Variants in FBXL4 observed in about 807,000 individuals in gnomAD.
The protein encoded by FBXL4 is F-box/LRR-repeat protein 4.
In FBXL4, 40 loss-of-function variants were observed where a neutral mutation model predicts 58.9. That is an observed-to-expected ratio of 0.68 (90% CI 0.53 to 0.88). The LOEUF (loss-of-function observed/expected upper bound fraction) is 0.88. FBXL4 is among the 40% of genes least tolerant of loss of function. The pLI is 0.00. For synonymous variants in FBXL4, 263 were observed against 265.5 expected (o/e 0.99, Z 0.09); for missense variants, 676 against 734.4 (o/e 0.92, Z 0.92).
chr6:98,925,960 A>C (rs1203410199), intron 4 of FBXL4, among the ~76,000 whole-genome samples: 1 of 152,180 alleles, frequency 6.6e-6, no homozygotes, highest in Non-Finnish European at 1.5e-5. Context: ...GCTGTTATGC[A>C]AAACAGGCTT....
chr6:98,875,752 T>C, intron 8 of FBXL4, 25 bp from the exon 9 acceptor site: 1 of 1,605,912 alleles, frequency 6.2e-7, no homozygotes, highest in Non-Finnish European at 8.5e-7. Flanking sequence ...ATTCCAATCT[T>C]TTACATGTTA....
chr6:98,880,043 C>T (rs2128378598), intron 8 of FBXL4, among the ~76,000 whole-genome samples: 1 of 150,476 alleles, frequency 6.6e-6, no homozygotes, highest in Non-Finnish European at 1.5e-5. Context: ...AAAATTTCCA[C>T]ACACAAAAAA....
chr6:98,945,340 C>T (rs1773581708), intron 1 of FBXL4, among the ~76,000 whole-genome samples: 1 of 152,106 alleles, frequency 6.6e-6, no homozygotes, highest in African/African-American at 2.4e-5. Context: ...CTATTATATG[C>T]ACTGACACAG....
In FBXL4 at chr6:98,902,261, A is replaced by C. The variant is rs114042857; in HGVS notation, c.1104-2780T>G. On this transcript the variant is annotated intron_variant, in intron 6 of 9. Coordinates refer to ENST00000369244, the MANE Select transcript of FBXL4 (RefSeq NM_001278716.2). The stretch of plus-strand genomic sequence containing the variant: ...GACCCTCACCGAGTTTTCTAAAACA[A>C]TATATTCAAGATAATTTTAATCCCA... 4.7e-3 allele frequency among the ~76,000 whole-genome samples: 717 copies of C among 152,286 alleles called. 4 individuals carry two copies. The highest frequency in any genetic ancestry group is 0.017 in the African/African-American group (697 of 41,564).
chr6:98,913,864 T>C (rs1223483465), intron 5 of FBXL4, among the ~76,000 whole-genome samples: 5 of 151,916 alleles, frequency 3.3e-5, no homozygotes, highest in Non-Finnish European at 7.4e-5. Context: ...TTCAAAAAAT[T>C]AATGAATCCA....
At chr6:98,923,438 C>T (rs1192615542) in intron 4 of FBXL4, among the ~76,000 whole-genome samples, 1 of 152,172 alleles carries the variant, frequency 6.6e-6, no homozygotes, top group Non-Finnish European at 1.5e-5. Context: ...TCTCCAGTTG[C>T]CAACAGCTTA....
intron 7 of FBXL4, among the ~76,000 whole-genome samples, chr6:98,888,901 T>A (rs1192777814): frequency 6.6e-6 from 1 of 152,212 alleles, no homozygotes; most frequent in Non-Finnish European, 1.5e-5. Flanking sequence ...AATCTACCTA[T>A]TAACCCTGTT....
rs2128393293 is a variant in FBXL4, at chr6:98,905,608, G to C, written c.921C>G (p.Cys307Trp). 6.2e-7 allele frequency: 1 copy of C among 1,613,496 alleles called. No homozygotes were observed. Among genetic ancestry groups the C allele is most frequent in the Non-Finnish European group, 8.5e-7 (1 of 1,179,806 alleles). The change falls in exon 6 of 10, where the codon TGC (cysteine) becomes TGG (tryptophan). Residue 307 changes from cysteine to tryptophan, a missense_variant. Cys to Trp is a radical substitution (Grantham distance 215). Transcript: ENST00000369244. ...CACAGCAATGCTGGCTCAGTAGTTT[G>C]CAAGTCTGTGCTAATCTACACAGGT... ...LPDLCRLAQT[C>W]KLLSQHCCDP...
At position 98,875,695 on chromosome 6, in the gene FBXL4, T is replaced by C. The variant is rs776233574; in HGVS notation, c.1422A>G (p.Ile474Met). Residue 474 changes from isoleucine (I) to methionine (M), a missense_variant, in exon 9 of 10, where the codon ATA becomes ATG. Ile to Met is a conservative substitution (Grantham distance 10). Coordinates refer to ENST00000369244, the MANE Select transcript of FBXL4 (RefSeq NM_001278716.2). ...TCCGGAGTTTTTTACACTTGGCTCCTATCATGCTAGCTATCACATCATAGT... is the reference window on the plus strand; with the variant it reads ...TCCGGAGTTTTTTACACTTGGCTCCCATCATGCTAGCTATCACATCATAGT... Reference protein sequence around the residue: ...IEDYDVIASMIGAKCKKLRTL... With the variant: ...IEDYDVIASMMGAKCKKLRTL... The C allele has an allele frequency of 2.1e-5, 34 of 1,613,704 alleles. No individual in the cohort carries two copies. The highest frequency in any genetic ancestry group is 2.8e-5 in the Non-Finnish European group (33 of 1,179,984).
chr6:98,874,460 A>C lies in FBXL4; in HGVS notation c.1703-19T>G. The C allele has an allele frequency of 6.3e-7, 1 of 1,593,212 alleles. No homozygotes were observed. Among genetic ancestry groups the C allele is most frequent in the Non-Finnish European group, 8.5e-7 (1 of 1,173,926 alleles). ...CTTGTTCCTATTTAAGGGAAACAAA[A>C]CAAAACAAAACAAAACACCTTAAGT... is the stretch of plus-strand genomic sequence containing the variant. On this transcript the variant is annotated intron_variant, in intron 9 of 9. Coordinates refer to ENST00000369244, the MANE Select transcript of FBXL4 (RefSeq NM_001278716.2).
intron 8 of FBXL4, among the ~76,000 whole-genome samples, chr6:98,877,382 T>G (rs1770698312): frequency 6.6e-6 from 1 of 152,190 alleles, no homozygotes; most frequent in African/African-American, 2.4e-5. Context: ...AATTTGTGCC[T>G]GGGCAATCTC....
chr6:98,931,240 T>A (rs1227243062), intron 2 of FBXL4, among the ~76,000 whole-genome samples: 1 of 152,264 alleles, frequency 6.6e-6, no homozygotes, highest in Admixed American at 6.5e-5. Context: ...CATACCAAGC[T>A]ACAAACTTTG....
intron 5 of FBXL4, among the ~76,000 whole-genome samples, chr6:98,905,873 A>T (rs919087049): frequency 5.3e-5 from 8 of 152,240 alleles, no homozygotes; most frequent in Non-Finnish European, 1.0e-4. Context: ...GATTATTCAA[A>T]GTATACTCAC....
At chr6:98,916,453 G>A (rs1308178056) in intron 5 of FBXL4, among the ~76,000 whole-genome samples, 12 of 149,212 alleles carry the variant, frequency 8.0e-5, no homozygotes, top group East Asian at 6.0e-4. Context: ...TTAAGAAAAT[G>A]TGGCACATAT....
intron 1 of FBXL4, among the ~76,000 whole-genome samples, chr6:98,938,741 T>C (rs760832139): frequency 2.0e-5 from 3 of 152,126 alleles, no homozygotes; most frequent in Non-Finnish European, 4.4e-5. Context: ...AATAAATGTC[T>C]TTTGTGGCAT....
At position 98,927,205 on chromosome 6, in the gene FBXL4, T is replaced by C; in HGVS notation, c.-72-145A>G. On this transcript the variant is annotated intron_variant, in intron 3 of 9. Coordinates refer to ENST00000369244, the MANE Select transcript of FBXL4 (RefSeq NM_001278716.2). ...AGTTTTAAAATACAAATGTGAAGTC[T>C]GGTATAAATAAATTTTCTAATGTAT... 6.3e-6 allele frequency: 3 copies of C among 476,418 alleles called. No homozygotes were observed. In the South Asian group the frequency reaches 1.2e-4, roughly 19 times the overall value. 29.5% of individuals were successfully genotyped at this position (476,418 alleles called of 1,614,324 possible). A position where few individuals can be genotyped will look rare whatever the true frequency, so the allele number is the denominator to read the frequency against.
At chr6:98,899,697 A>G (rs1348461946) in intron 6 of FBXL4, among the ~76,000 whole-genome samples, 1 of 152,200 alleles carries the variant, frequency 6.6e-6, no homozygotes, top group Non-Finnish European at 1.5e-5. Context: ...ATGAATTCAC[A>G]TCATATAAAA....
intron 7 of FBXL4, among the ~76,000 whole-genome samples, chr6:98,885,322 G>C (rs924081448): frequency 2.6e-5 from 4 of 152,074 alleles, no homozygotes; most frequent in African/African-American, 9.7e-5. Context: ...GGATGGTCTC[G>C]ACCTCCTGAC....
chr6:98,910,741 C>T (rs931986882), intron 5 of FBXL4, among the ~76,000 whole-genome samples: 1 of 152,090 alleles, frequency 6.6e-6, no homozygotes, highest in Non-Finnish European at 1.5e-5. Context: ...TAGGTCCCAG[C>T]GTGAGCAACG....
Sources: gnomAD v4.1 joint callset for allele counts (sites outside exome capture counted in the v4.1 genomes callset) on GRCh38, gnomAD v4.1.1 for gene constraint, MANE v1.5 for transcripts, NCBI Gene and HGNC (gene_info 2026-07-23, HGNC 2026-07-21) for gene names.